NMD3: variants seen among roughly 807,000 people sequenced by gnomAD.
NMD3 encodes the protein 60S ribosomal export protein NMD3.
In NMD3, 47 loss-of-function variants were observed where a neutral mutation model predicts 73.1. The observed-to-expected ratio is 0.64, with a 90% CI of 0.51 to 0.82. The LOEUF (loss-of-function observed/expected upper bound fraction) is 0.82. Ranked by LOEUF, NMD3 falls within the 40% of genes least tolerant of loss-of-function variation. The probability of loss-of-function intolerance (pLI) is 0.00; values close to 1 mark genes in which losing one functional copy is unlikely to be tolerated. For missense variants in NMD3, 554 were observed against 612.5 expected (o/e 0.90, Z 1.01); for synonymous variants, 210 against 194.5 (o/e 1.08, Z -0.66).
intron 3 of NMD3, among the ~76,000 whole-genome samples, chr3:161,225,929 A>G (rs1319880357): frequency 6.6e-6 from 1 of 152,064 alleles, no homozygotes; most frequent in African/African-American, 2.4e-5. Context: ...GGGAGTTTAC[A>G]GTGTATAAGC....
At chr3:161,234,092 T>A (rs945869317) in intron 5 of NMD3, among the ~76,000 whole-genome samples, 5 of 152,148 alleles carry the variant, frequency 3.3e-5, no homozygotes, top group Non-Finnish European at 5.9e-5. Context: ...TCAGTTATGT[T>A]TGGGAATCAT....
chr3:161,239,428 C>T (rs1364041483), intron 9 of NMD3, among the ~76,000 whole-genome samples: 1 of 152,106 alleles, frequency 6.6e-6, no homozygotes, highest in African/African-American at 2.4e-5. Context: ...TGTATAACTA[C>T]AGGTCTCTGC....
intron 10 of NMD3, 22 bp downstream of exon 10, chr3:161,241,185 C>A: frequency 1.4e-6 from 2 of 1,400,462 alleles, no homozygotes; most frequent in Non-Finnish European, 2.0e-6. Flanking sequence ...AAATGATTTG[C>A]CTTGACAATT....
At chr3:161,235,032 G>T in intron 6 of NMD3, 90 bp from the exon 7 acceptor site, 1 of 884,664 alleles carries the variant, frequency 1.1e-6, no homozygotes, top group Middle Eastern at 2.3e-4. Flanking sequence ...TGAAAAATCA[G>T]TATGCTCTAT....
intron 7 of NMD3, 72 bp from the exon 8 acceptor site, chr3:161,238,039 AAT>A: frequency 1.0e-6 from 1 of 959,542 alleles, no homozygotes. Flanking sequence ...TGTAATTTAT[AAT>A]ATAGTCATGT....
At chr3:161,231,690 G>A (rs1021607578) in intron 4 of NMD3, among the ~76,000 whole-genome samples, 5 of 152,184 alleles carry the variant, frequency 3.3e-5, no homozygotes, top group South Asian at 2.1e-4. Context: ...GACGATAGCT[G>A]TCTGGTGCCT....
intron 11 of NMD3, among the ~76,000 whole-genome samples, chr3:161,244,611 C>T (rs1737119693): frequency 6.9e-6 from 1 of 144,144 alleles, no homozygotes; most frequent in African/African-American, 2.5e-5. Flanking sequence ...TTTTCTTCTT[C>T]TCTCCTCCTC....
At position 161,241,269 on chromosome 3, in the gene NMD3, GGTTA is replaced by G. The variant is rs1249242789; in HGVS notation, c.871+111_871+114del. On this transcript the variant is annotated intron_variant, in intron 10 of 15. Transcript: ENST00000351193. ...CATTCTTGCTAATATTGTTTTGAAA[GGTTA>G]GTTAAAATTTGTGCTATTGTTTAAT... 1.6e-4 allele frequency: 114 copies of G among 724,106 alleles called. 1 individual carries two copies. The African/African-American group carries it at 1.7e-3, about 11-fold the overall frequency. The allele number at this position is 724,106 out of a possible 1,614,324, so 44.9% of individuals were successfully genotyped here. A position where few individuals can be genotyped will look rare whatever the true frequency, so the allele number is the denominator to read the frequency against.
intron 13 of NMD3, among the ~76,000 whole-genome samples, chr3:161,248,182 A>G (rs1458608127): frequency 1.3e-5 from 2 of 151,916 alleles, no homozygotes; most frequent in Non-Finnish European, 2.9e-5. Flanking sequence ...AATACCTGAT[A>G]TTATCTGTAG....
Position 161,235,130 on chromosome 3 carries a change from TA to T in NMD3, c.502del (p.Thr168LeufsTer8). 7 of 1,493,338 alleles carry T rather than the reference TA, an allele frequency of 4.7e-6. No homozygotes were observed. Among genetic ancestry groups the T allele is most frequent in the Non-Finnish European group, 6.4e-6 (7 of 1,087,454 alleles). The allele number at this position is 1,493,338 out of a possible 1,614,324, so 92.5% of individuals were successfully genotyped here. A position where few individuals can be genotyped will look rare whatever the true frequency, so the allele number is the denominator to read the frequency against. On this transcript the variant is annotated frameshift_variant, in exon 7 of 16. Transcript: ENST00000351193. LOFTEE classifies it high-confidence loss of function. ...VIQVRQKTLH[K>X]KTFYYLEQLI... ...AATAATTTATATTTTAGACTTTGCA[TA>T]AAAAAACTTTCTACTATCTGGAACA... is the stretch of plus-strand genomic sequence containing the variant.
At chr3:161,244,470 T>A (rs770400390) in intron 11 of NMD3, among the ~76,000 whole-genome samples, 1 of 152,170 alleles carries the variant, frequency 6.6e-6, no homozygotes, top group Non-Finnish European at 1.5e-5. Flanking sequence ...ATTTTTAGAG[T>A]AAAGAGTTGA....
At chr3:161,224,656 T>C (rs1736236984) in intron 2 of NMD3, among the ~76,000 whole-genome samples, 1 of 151,894 alleles carries the variant, frequency 6.6e-6, no homozygotes, top group African/African-American at 2.4e-5. Flanking sequence ...CTGGCTAATT[T>C]TTGTATTTTT....
intron 2 of NMD3, 80 bp downstream of exon 2, chr3:161,222,137 G>A: frequency 8.9e-7 from 1 of 1,129,184 alleles, no homozygotes; most frequent in Non-Finnish European, 1.3e-6. Flanking sequence ...GAGAACGCTT[G>A]AGGGTGGGTG....
At chr3:161,242,693 C>G in intron 11 of NMD3, 40 bp downstream of exon 11, 1 of 1,580,254 alleles carries the variant, frequency 6.3e-7, no homozygotes, top group Non-Finnish European at 8.6e-7. Context: ...TTTTTTTCCC[C>G]TCAGTTATTA....
intron 9 of NMD3, among the ~76,000 whole-genome samples, chr3:161,240,713 A>T (rs1310740114): frequency 6.6e-6 from 1 of 151,478 alleles, no homozygotes; most frequent in Non-Finnish European, 1.5e-5. Context: ...ATATATATGT[A>T]TATGGAGACA....
chr3:161,227,509 G>C (rs1455165452), intron 4 of NMD3, among the ~76,000 whole-genome samples, 166 bp downstream of exon 4: 1 of 140,530 alleles, frequency 7.1e-6, no homozygotes, highest in Non-Finnish European at 1.5e-5. Context: ...GTACAATGGT[G>C]TGATCTCGGC....
intron 13 of NMD3, 34 bp downstream of exon 13, chr3:161,247,364 T>G (rs1737259333): frequency 7.4e-7 from 1 of 1,346,266 alleles, no homozygotes; most frequent in African/African-American, 1.4e-5. Flanking sequence ...TTTTCCTGTG[T>G]TAAAGAGGAT....
intron 9 of NMD3, among the ~76,000 whole-genome samples, chr3:161,240,526 A>ATTTTTTTTTTTTTTTTTT (rs539406360): frequency 2.7e-5 from 3 of 111,698 alleles, no homozygotes; most frequent in African/African-American, 7.6e-5. Flanking sequence ...TGGGCCCTGG[A>ATTTTTTTTTTTTTTTTTT]TTTTTTTTTT....
chr3:161,225,478 A>G (rs890711310), intron 3 of NMD3, among the ~76,000 whole-genome samples: 3 of 152,130 alleles, frequency 2.0e-5, no homozygotes. Flanking sequence ...AAAACTCATA[A>G]CATTCACGTG....
Sources: allele counts gnomAD v4.1 joint callset (sites outside exome capture counted in the v4.1 genomes callset), GRCh38; gene constraint gnomAD v4.1.1; transcripts MANE v1.5; gene names NCBI Gene and HGNC (gene_info 2026-07-23, HGNC 2026-07-21).